THSD4: variants seen among roughly 807,000 people sequenced by gnomAD.
THSD4 encodes thrombospondin type-1 domain-containing protein 4.
In THSD4, 69 loss-of-function variants were observed where a neutral mutation model predicts 119.0. That is an observed-to-expected ratio of 0.58 (90% CI 0.48 to 0.71). The LOEUF (loss-of-function observed/expected upper bound fraction) is 0.71, where lower values mean the gene tolerates loss of function less well. Ranked by LOEUF, THSD4 falls within the 30% of genes least tolerant of loss-of-function variation. The probability of loss-of-function intolerance (pLI) is 0.00; values close to 1 mark genes in which losing one functional copy is unlikely to be tolerated. For synonymous variants in THSD4, 524 were observed against 540.4 expected, an observed-to-expected ratio of 0.97 and a Z score of 0.42; for missense variants, 1,393 against 1,391.1, an observed-to-expected ratio of 1.00 and a Z score of -0.02.
At chr15:71,456,084 T>C (rs1340519231) in intron 7 of THSD4, among the ~76,000 whole-genome samples, 2 of 152,184 alleles carry the variant, frequency 1.3e-5, no homozygotes, top group Non-Finnish European at 2.9e-5. Context: ...GGCAAAGTTA[T>C]TTTGCGGTGT....
In THSD4 at chr15:71,782,697, A is replaced by T. The variant is rs185280845; in HGVS notation, c.*5323A>T. 9.1e-4 allele frequency: 139 copies of T among 152,328 alleles called. No individual in the cohort carries two copies. The highest frequency in any genetic ancestry group is 3.1e-3 in the African/African-American group (130 of 41,570). 9.4% of individuals were successfully genotyped at this position (152,328 alleles called of 1,614,324 possible). ...AATTGTTTAGTATGCTAATCAGTCC[A>T]GTTCCCTGAGGTTTAAGATCAAATA... On this transcript the variant is annotated 3_prime_UTR_variant, in exon 18 of 18. Coordinates refer to ENST00000261862, the MANE Select transcript of THSD4 (RefSeq NM_024817.3).
At chr15:71,352,381 G>A (rs2045755057) in intron 6 of THSD4, among the ~76,000 whole-genome samples, 2 of 152,316 alleles carry the variant, frequency 1.3e-5, no homozygotes, top group South Asian at 4.1e-4. Context: ...TTCCTGAGAA[G>A]CAGACATGTT....
At chr15:71,773,982 A>G (rs1014706552) in intron 17 of THSD4, among the ~76,000 whole-genome samples, 13 of 152,182 alleles carry the variant, frequency 8.5e-5, no homozygotes, top group African/African-American at 1.2e-4. Flanking sequence ...AAAAAAGACA[A>G]GTGGTCCAGT....
At chr15:71,425,540 C>A (rs550459423) in intron 7 of THSD4, among the ~76,000 whole-genome samples, 1 of 152,294 alleles carries the variant, frequency 6.6e-6, no homozygotes, top group South Asian at 2.1e-4. Context: ...TCGTCTGCCC[C>A]CTGTCAGGCC....
chr15:71,606,617 C>T (rs181649407), intron 7 of THSD4, among the ~76,000 whole-genome samples: 24 of 152,122 alleles, frequency 1.6e-4, no homozygotes, highest in East Asian at 7.7e-4. Context: ...CTCGGCTCAC[C>T]GCAACCTCCA....
At chr15:71,276,113 G>C (rs1324721996) in intron 6 of THSD4, among the ~76,000 whole-genome samples, 1 of 152,172 alleles carries the variant, frequency 6.6e-6, no homozygotes, top group South Asian at 2.1e-4. Flanking sequence ...AAGATTAAAA[G>C]AAAAATCACT....
At chr15:71,491,938 A>G (rs904822271) in intron 7 of THSD4, among the ~76,000 whole-genome samples, 5 of 152,260 alleles carry the variant, frequency 3.3e-5, no homozygotes, top group Non-Finnish European at 5.9e-5. Context: ...ATATTCTGAT[A>G]TAGCAGTACA....
At chr15:71,725,847 T>A (rs1464385261) in intron 8 of THSD4, among the ~76,000 whole-genome samples, 1 of 152,074 alleles carries the variant, frequency 6.6e-6, no homozygotes, top group Non-Finnish European at 1.5e-5. Context: ...AATGGTGCGA[T>A]CTTGGCTCAC....
intron 7 of THSD4, among the ~76,000 whole-genome samples, chr15:71,510,818 C>T (rs914029523): frequency 1.2e-4 from 18 of 152,006 alleles, no homozygotes; most frequent in Non-Finnish European, 2.6e-4. Context: ...TCATTATTTA[C>T]CTCAGATTGC....
At chr15:71,527,928 G>A (rs1004437334) in intron 7 of THSD4, among the ~76,000 whole-genome samples, 3 of 151,882 alleles carry the variant, frequency 2.0e-5, no homozygotes, top group African/African-American at 7.3e-5. Context: ...GCCCAGGCTG[G>A]TGGTCTCAAA....
chr15:71,760,746 A>G (rs533595310), intron 15 of THSD4, among the ~76,000 whole-genome samples: 1 of 152,330 alleles, frequency 6.6e-6, no homozygotes, highest in Admixed American at 6.5e-5. Flanking sequence ...GTGATCCACA[A>G]AAGTGCAACT....
At chr15:71,122,244 G>A (rs553285074) in intron 1 of THSD4, among the ~76,000 whole-genome samples, 12 of 152,184 alleles carry the variant, frequency 7.9e-5, no homozygotes, top group South Asian at 2.1e-4. Flanking sequence ...ATTTACCTGC[G>A]TTCTTTTATT....
chr15:71,620,644 A>G (rs966490118), intron 7 of THSD4, among the ~76,000 whole-genome samples: 2 of 152,154 alleles, frequency 1.3e-5, no homozygotes, highest in Non-Finnish European at 2.9e-5. Context: ...GATAGTGGTG[A>G]CAAATAACAT....
intron 7 of THSD4, among the ~76,000 whole-genome samples, chr15:71,559,990 T>C (rs2049087889): frequency 6.6e-6 from 1 of 152,184 alleles, no homozygotes; most frequent in South Asian, 2.1e-4. Flanking sequence ...CTACAATGAG[T>C]ATCTTTTTTC....
At chr15:71,285,755 G>T (rs4776544) in intron 6 of THSD4, among the ~76,000 whole-genome samples, 28,268 of 149,758 alleles carry the variant, frequency 0.19, 2,792 homozygotes, top group Admixed American at 0.28. Context: ...TCAGGAGACT[G>T]AGGCAGAAGA....
At chr15:71,682,704 G>A (rs1395617241) in intron 8 of THSD4, among the ~76,000 whole-genome samples, 1 of 150,930 alleles carries the variant, frequency 6.6e-6, no homozygotes, top group African/African-American at 2.4e-5. Context: ...ATTTAACATT[G>A]GAATGTGTAG....
At chr15:71,487,990 T>C (rs1394287796) in intron 7 of THSD4, among the ~76,000 whole-genome samples, 2 of 152,214 alleles carry the variant, frequency 1.3e-5, no homozygotes, top group Non-Finnish European at 1.5e-5. Context: ...CATCAAATTT[T>C]TTACACATAC....
At chr15:71,300,063 A>G (rs2140336370) in intron 6 of THSD4, among the ~76,000 whole-genome samples, 1 of 150,366 alleles carries the variant, frequency 6.7e-6, no homozygotes, top group East Asian at 1.9e-4. Flanking sequence ...AGGTGGGAGA[A>G]CTGCTTGAGC....
At chr15:71,249,258 G>A (rs1054465900) in intron 5 of THSD4, among the ~76,000 whole-genome samples, 7 of 151,512 alleles carry the variant, frequency 4.6e-5, no homozygotes, top group African/African-American at 1.5e-4. Context: ...ATATACACAC[G>A]AGAATTGTTA....
Sources: gnomAD v4.1 joint callset for allele counts (sites outside exome capture counted in the v4.1 genomes callset) on GRCh38, gnomAD v4.1.1 for gene constraint, MANE v1.5 for transcripts, NCBI Gene and HGNC (gene_info 2026-07-23, HGNC 2026-07-21) for gene names.